Variants in CDH4 observed in about 807,000 individuals in gnomAD.
CDH4 encodes the protein cadherin-4.
CDH4 carries 33 observed loss-of-function variants against 86.0 expected under a neutral mutation model. The ratio of observed to expected loss-of-function variants is 0.38; its 90% CI spans 0.29 to 0.51. The LOEUF (loss-of-function observed/expected upper bound fraction) is 0.51. CDH4 is among the 20% of genes least tolerant of loss of function. The pLI, the probability that CDH4 is intolerant of heterozygous loss-of-function variation, is 0.86. For synonymous variants in CDH4, 555 were observed against 549.4 expected (o/e 1.01, Z -0.14); for missense variants, 1,114 against 1,307.4 (o/e 0.85, Z 2.28).
intron 6 of CDH4, among the ~76,000 whole-genome samples, chr20:61,860,960 A>G (rs770189855): frequency 6.6e-6 from 1 of 152,196 alleles, no homozygotes; most frequent in Non-Finnish European, 1.5e-5. Context: ...ATCAGCATGC[A>G]GCCCCCCAGG....
chr20:61,768,312 C>T (rs1298137542), intron 3 of CDH4, among the ~76,000 whole-genome samples: 3 of 152,172 alleles, frequency 2.0e-5, no homozygotes, highest in Non-Finnish European at 2.9e-5. Flanking sequence ...TAGTCATACA[C>T]CCATACATCT....
At chr20:61,824,359 AC>A (rs1981210809) in intron 4 of CDH4, among the ~76,000 whole-genome samples, 1 of 148,592 alleles carries the variant, frequency 6.7e-6, no homozygotes, top group Admixed American at 6.7e-5. Flanking sequence ...GGATAAAAAT[AC>A]AAAAAAAAAA....
At chr20:61,485,057 C>A (rs2085588537) in intron 2 of CDH4, among the ~76,000 whole-genome samples, 1 of 152,114 alleles carries the variant, frequency 6.6e-6, no homozygotes, top group African/African-American at 2.4e-5. Flanking sequence ...CATCCCTTTC[C>A]AACGGCAGCT....
intron 2 of CDH4, among the ~76,000 whole-genome samples, chr20:61,531,196 G>A (rs569614064): frequency 6.4e-4 from 97 of 152,282 alleles, no homozygotes; most frequent in African/African-American, 2.3e-3. Context: ...AGCAGGCCAG[G>A]CATAGTGGCT....
chr20:61,806,737 T>C (rs1980158534), intron 4 of CDH4, among the ~76,000 whole-genome samples: 2 of 152,138 alleles, frequency 1.3e-5, no homozygotes, highest in South Asian at 2.1e-4. Flanking sequence ...CCTTGGTCCC[T>C]GCCACGGCTG....
At chr20:61,458,744 A>G (rs1026482913) in intron 2 of CDH4, among the ~76,000 whole-genome samples, 1 of 151,680 alleles carries the variant, frequency 6.6e-6, no homozygotes, top group African/African-American at 2.4e-5. Flanking sequence ...AGTGGTGACA[A>G]TGGTGACAGT....
intron 2 of CDH4, among the ~76,000 whole-genome samples, chr20:61,484,961 G>A (rs912961250): frequency 5.9e-5 from 9 of 152,182 alleles, no homozygotes; most frequent in Non-Finnish European, 8.8e-5. Flanking sequence ...CTGGGGCTAG[G>A]AAGAAAAGAC....
chr20:61,365,437 T>C (rs1261657344), intron 2 of CDH4, among the ~76,000 whole-genome samples: 3 of 151,508 alleles, frequency 2.0e-5, no homozygotes, highest in African/African-American at 7.3e-5. Context: ...TCAACAAGGG[T>C]CAGACGGGTG....
intron 2 of CDH4, chr20:61,370,176 G>A (rs1209156361): frequency 6.6e-6 from 1 of 152,502 alleles, no homozygotes. Flanking sequence ...CTTCCCCGAG[G>A]GTGGGTGGCC....
intron 6 of CDH4, among the ~76,000 whole-genome samples, chr20:61,863,856 C>T (rs893155725): frequency 1.3e-5 from 2 of 152,118 alleles, no homozygotes; most frequent in Admixed American, 6.5e-5. Context: ...CACAGAGGCT[C>T]CTGCGGATGG....
At chr20:61,535,676 G>A (rs1037524857) in intron 2 of CDH4, among the ~76,000 whole-genome samples, 29 of 152,186 alleles carry the variant, frequency 1.9e-4, no homozygotes, top group African/African-American at 6.5e-4. Context: ...CTGGTGCGGG[G>A]CCCTTCTGAG....
intron 2 of CDH4, among the ~76,000 whole-genome samples, chr20:61,612,434 T>A (rs994836962): frequency 3.3e-4 from 50 of 152,148 alleles, no homozygotes; most frequent in African/African-American, 1.2e-3. Context: ...TTTCTCATAA[T>A]AGGATGCTGT....
At position 61,887,495 on chromosome 20, in the gene CDH4, ACT is replaced by A. The variant is rs568330582; in HGVS notation, c.1051-7413_1051-7412del. On this transcript the variant is annotated intron_variant, in intron 7 of 15. Coordinates refer to ENST00000614565, the MANE Select transcript of CDH4 (RefSeq NM_001794.5). ...TATACACGCACACACAGGCATGCAC[ACT>A]CGTGCACAAGCACGCATACACACAT... Among the ~76,000 whole-genome samples the A allele has an allele frequency of 3.3e-4, 50 of 152,216 alleles. 1 individual carries two copies. In the South Asian group the frequency reaches 8.5e-3, roughly 26 times the overall value.
intron 2 of CDH4, among the ~76,000 whole-genome samples, chr20:61,631,285 T>C (rs1253254941): frequency 6.6e-6 from 1 of 152,188 alleles, no homozygotes; most frequent in Non-Finnish European, 1.5e-5. Flanking sequence ...CTGTCCCGTT[T>C]GGAAGAAAAC....
chr20:61,438,703 C>CA (rs1455082140), intron 2 of CDH4, among the ~76,000 whole-genome samples: 2 of 151,544 alleles, frequency 1.3e-5, no homozygotes, highest in Non-Finnish European at 2.9e-5. Context: ...TCTGTACTTC[C>CA]AAAAAAAATA....
At chr20:61,685,896 C>T (rs957235252) in intron 2 of CDH4, among the ~76,000 whole-genome samples, 7 of 152,354 alleles carry the variant, frequency 4.6e-5, no homozygotes, top group Admixed American at 1.3e-4. Context: ...GGGTGGTACC[C>T]GCACACCATT....
chr20:61,615,131 T>G (rs144022480), intron 2 of CDH4, among the ~76,000 whole-genome samples: 18 of 11,334 alleles, frequency 1.6e-3, no homozygotes, highest in East Asian at 3.8e-3. Flanking sequence ...GTTTTTTTGG[T>G]TTTTTTTTTG....
chr20:61,565,173 T>TA (rs1568688230), intron 2 of CDH4, among the ~76,000 whole-genome samples: 2 of 79,160 alleles, frequency 2.5e-5, no homozygotes, highest in Non-Finnish European at 4.6e-5. Flanking sequence ...GGTGATGGGG[T>TA]GGTGGTGGTG....
At chr20:61,559,877 C>T (rs1008159968) in intron 2 of CDH4, among the ~76,000 whole-genome samples, 71 of 152,184 alleles carry the variant, frequency 4.7e-4, no homozygotes, top group Admixed American at 4.5e-3. Flanking sequence ...CCCGGGGCTT[C>T]TTGCTTGCCA....
Sources: allele counts gnomAD v4.1 joint callset (sites outside exome capture counted in the v4.1 genomes callset), GRCh38; gene constraint gnomAD v4.1.1; transcripts MANE v1.5; gene names NCBI Gene and HGNC (gene_info 2026-07-23, HGNC 2026-07-21).